Variants in ELMO1 observed in about 807,000 individuals in gnomAD.
ELMO1 encodes engulfment and cell motility 1.
Under a neutral mutation model 98.9 loss-of-function variants are expected in ELMO1, and 26 were observed. That is an observed-to-expected ratio of 0.26 (90% CI 0.19 to 0.36). ELMO1 has a LOEUF of 0.36. Ranked by LOEUF, ELMO1 falls within the 10% of genes least tolerant of loss-of-function variation. The probability of loss-of-function intolerance (pLI) is 1.00; values close to 1 mark genes in which losing one functional copy is unlikely to be tolerated. For missense variants in ELMO1, 627 were observed against 935.2 expected, an observed-to-expected ratio of 0.67 and a Z score of 4.30; for synonymous variants, 346 against 346.0, an observed-to-expected ratio of 1.00 and a Z score of 0.00.
chr7:37,336,224 T>A lies in ELMO1; in HGVS notation c.78+6389A>T, dbSNP rs547363705. ...CTGGGTGACACAGTGAGACCCTGCG[T>A]CAAGGAAAAAAAAAAAGAACATATC... On this transcript the variant is annotated intron_variant, in intron 2 of 21. Transcript: ENST00000310758. Among the ~76,000 whole-genome samples, 11 of 150,982 alleles carry A rather than the reference T, an allele frequency of 7.3e-5. No homozygotes were observed. In the South Asian group the frequency reaches 1.7e-3, roughly 23 times the overall value.
At chr7:37,322,764 C>T (rs776046308) in intron 2 of ELMO1, among the ~76,000 whole-genome samples, 29 of 151,948 alleles carry the variant, frequency 1.9e-4, no homozygotes, top group Non-Finnish European at 3.2e-4. Context: ...GATAGTACCA[C>T]CGTGCCAAGA....
intron 13 of ELMO1, among the ~76,000 whole-genome samples, chr7:37,150,357 T>C (rs976150161): frequency 6.6e-5 from 10 of 151,450 alleles, no homozygotes; most frequent in African/African-American, 2.4e-4. Flanking sequence ...AAACAGAGAT[T>C]AAACATCTTG....
intron 15 of ELMO1, among the ~76,000 whole-genome samples, chr7:37,026,121 G>A (rs1223716993): frequency 6.6e-6 from 1 of 152,102 alleles, no homozygotes; most frequent in Non-Finnish European, 1.5e-5. Context: ...TCAGAGAAGT[G>A]GCGCATTAAG....
Position 37,133,206 on chromosome 7 carries a change from G to A in ELMO1, c.1115C>T (p.Thr372Met), listed in dbSNP as rs748062510. Reference sequence around the variant, plus strand: ...AGCCAACATCCCAGGTGGAGTCTGCGTGAAGTCCATGGCAGGGTTGACATG... The same window carrying A: ...AGCCAACATCCCAGGTGGAGTCTGCATGAAGTCCATGGCAGGGTTGACATG... ...INHVNPAMDF[T>M]QTPPGMLALD... Residue 372 changes from threonine to methionine, a missense_variant, in exon 14 of 22, where the codon ACG becomes ATG. Coordinates refer to ENST00000310758, the MANE Select transcript of ELMO1 (RefSeq NM_014800.11). 18 of 1,611,920 alleles carry A rather than the reference G, an allele frequency of 1.1e-5. No homozygotes were observed. In the Admixed American group the frequency reaches 2.3e-4, roughly 21 times the overall value.
intron 1 of ELMO1, among the ~76,000 whole-genome samples, chr7:37,366,363 C>T (rs751973298): frequency 6.6e-6 from 1 of 152,012 alleles, no homozygotes; most frequent in Non-Finnish European, 1.5e-5. Context: ...AACAAACCAC[C>T]CTTTCAACAT....
At chr7:37,069,244 T>C (rs896871669) in intron 15 of ELMO1, among the ~76,000 whole-genome samples, 9 of 151,922 alleles carry the variant, frequency 5.9e-5, no homozygotes, top group African/African-American at 2.2e-4. Context: ...ACAAAAGGAA[T>C]ACATTAAAAA....
intron 10 of ELMO1, 57 bp downstream of exon 10, chr7:37,222,558 C>G (rs1793656409): frequency 1.9e-6 from 3 of 1,549,974 alleles, no homozygotes; most frequent in Non-Finnish European, 2.7e-6. Context: ...AGGGCGTTCT[C>G]TGCACACAAA....
At chr7:37,262,477 C>T (rs150569328) in intron 5 of ELMO1, among the ~76,000 whole-genome samples, 50 of 152,310 alleles carry the variant, frequency 3.3e-4, no homozygotes, top group African/African-American at 9.9e-4. Context: ...TCCTACAGAA[C>T]TATTCACCCC....
At chr7:37,214,924 T>A (rs181024220) in intron 11 of ELMO1, among the ~76,000 whole-genome samples, 3 of 152,310 alleles carry the variant, frequency 2.0e-5, no homozygotes, top group Non-Finnish European at 4.4e-5. Context: ...ATGCCACTCA[T>A]ATCTCAGGGC....
chr7:36,959,948 A>G (rs996877103), intron 16 of ELMO1, among the ~76,000 whole-genome samples: 1 of 152,130 alleles, frequency 6.6e-6, no homozygotes, highest in African/African-American at 2.4e-5. Context: ...CCCAAAGCAT[A>G]TAATCTCATC....
intron 16 of ELMO1, among the ~76,000 whole-genome samples, chr7:36,972,750 CA>C (rs532439733): frequency 3.5e-4 from 54 of 152,292 alleles, no homozygotes; most frequent in African/African-American, 1.2e-3. Context: ...GTTAGGACTT[CA>C]ATCTATATAT....
chr7:37,202,111 T>C (rs1297392518), intron 13 of ELMO1, among the ~76,000 whole-genome samples: 1 of 152,238 alleles, frequency 6.6e-6, no homozygotes, highest in African/African-American at 2.4e-5. Context: ...TATATAGCTA[T>C]AACTGTATAA....
chr7:37,027,647 C>T (rs151278616), intron 15 of ELMO1, among the ~76,000 whole-genome samples: 1 of 152,044 alleles, frequency 6.6e-6, no homozygotes, highest in East Asian at 1.9e-4. Flanking sequence ...TGGTTCAGTC[C>T]CTTAAACAAG....
intron 15 of ELMO1, among the ~76,000 whole-genome samples, chr7:37,086,856 T>A (rs1207393283): frequency 7.1e-6 from 1 of 141,652 alleles, no homozygotes; most frequent in African/African-American, 2.5e-5. Context: ...TCTAGAGTCA[T>A]CCCGTGAAGT....
intron 1 of ELMO1, among the ~76,000 whole-genome samples, chr7:37,399,961 T>C (rs1011065788): frequency 1.3e-5 from 2 of 152,228 alleles, no homozygotes; most frequent in African/African-American, 4.8e-5. Flanking sequence ...CCCTGCATTT[T>C]TGTGAAGAAT....
chr7:37,381,920 A>T (rs748903767), intron 1 of ELMO1, among the ~76,000 whole-genome samples: 1 of 152,192 alleles, frequency 6.6e-6, no homozygotes, highest in Admixed American at 6.5e-5. Context: ...TAAATTATAT[A>T]CTTTCAAGTT....
chr7:37,326,925 A>T (rs1239581675), intron 2 of ELMO1, among the ~76,000 whole-genome samples: 1 of 152,226 alleles, frequency 6.6e-6, no homozygotes, highest in African/African-American at 2.4e-5. Context: ...ACAATGCAAA[A>T]ATAAAGGACT....
In ELMO1 at chr7:36,908,035, G is replaced by A. The variant is rs6973083; in HGVS notation, c.1438-13018C>T. The stretch of plus-strand genomic sequence containing the variant: ...TGAGGACTAATCCAAGTGTTTTTCC[G>A]GGCCTGAACTTGTGTTCAGTTTTAT... On this transcript the variant is annotated intron_variant, in intron 16 of 21. Coordinates refer to ENST00000310758, the MANE Select transcript of ELMO1 (RefSeq NM_014800.11). 4.3e-3 allele frequency among the ~76,000 whole-genome samples: 655 copies of A among 152,258 alleles called. 4 individuals carry two copies. The highest frequency in any genetic ancestry group is 0.014 in the African/African-American group (599 of 41,538).
intron 4 of ELMO1, among the ~76,000 whole-genome samples, chr7:37,310,631 A>G (rs926236119): frequency 1.3e-5 from 2 of 152,176 alleles, no homozygotes; most frequent in Non-Finnish European, 2.9e-5. Context: ...TCCTGTATTT[A>G]TTGTTTTTGA....
Sources: gnomAD v4.1 joint callset for allele counts (sites outside exome capture counted in the v4.1 genomes callset) on GRCh38, gnomAD v4.1.1 for gene constraint, MANE v1.5 for transcripts, NCBI Gene and HGNC (gene_info 2026-07-23, HGNC 2026-07-21) for gene names.